Variants in GXYLT1 observed in about 807,000 individuals in gnomAD.
The protein encoded by GXYLT1 is glucoside xylosyltransferase 1.
In GXYLT1, 29 loss-of-function variants were observed where a neutral mutation model predicts 54.0. That is an observed-to-expected ratio of 0.54 (90% CI 0.40 to 0.73). The LOEUF (loss-of-function observed/expected upper bound fraction) is 0.73. GXYLT1 is among the 30% of genes least tolerant of loss of function. The pLI is 0.00. For missense variants in GXYLT1, 490 were observed against 553.4 expected (o/e 0.89, Z 1.15); for synonymous variants, 176 against 204.1 (o/e 0.86, Z 1.17).
At chr12:42,129,901 GA>G in intron 1 of GXYLT1, 50 bp from the exon 2 acceptor site, 1 of 1,163,240 alleles carries the variant, frequency 8.6e-7, no homozygotes, top group South Asian at 1.3e-5. Flanking sequence ...TTTTGGTTTG[GA>G]ACTAACAAGG....
At position 42,095,104 on chromosome 12, in the gene GXYLT1, T is replaced by C. The variant is rs184801510; in HGVS notation, c.1161+2338A>G. Among the ~76,000 whole-genome samples the C allele has an allele frequency of 2.4e-4, 37 of 152,278 alleles. 1 individual carries two copies. The East Asian group carries it at 6.7e-3, about 28-fold the overall frequency. On this transcript the variant is annotated intron_variant, in intron 7 of 7. Coordinates refer to ENST00000398675, the MANE Select transcript of GXYLT1 (RefSeq NM_173601.2). ...AAATTAAAACTACACTAAGATACCATTTCTCACCCATCAGAATGACAAAAT... is the reference window on the plus strand; with the variant it reads ...AAATTAAAACTACACTAAGATACCACTTCTCACCCATCAGAATGACAAAAT...
Position 42,115,215 on chromosome 12 carries a change from T to A in GXYLT1, c.486+3785A>T, listed in dbSNP as rs544584336. Among the ~76,000 whole-genome samples, 518 of 152,296 alleles carry A rather than the reference T, an allele frequency of 3.4e-3. 3 individuals are homozygous for A. Among genetic ancestry groups the A allele is most frequent in the Non-Finnish European group, 6.3e-3 (429 of 68,022 alleles). The stretch of plus-strand genomic sequence containing the variant: ...AACTGGAAGCATTCCCTTTGAAACC[T>A]GGCACAAGACAGGGATGCCCTCTCT... On this transcript the variant is annotated intron_variant, in intron 3 of 7. Transcript: ENST00000398675.
chr12:42,092,296 C>T (rs1258446663), intron 7 of GXYLT1, among the ~76,000 whole-genome samples: 3 of 152,248 alleles, frequency 2.0e-5, no homozygotes. Context: ...TTTCCACCCA[C>T]GTAAGATTAA....
intron 3 of GXYLT1, among the ~76,000 whole-genome samples, chr12:42,110,999 A>C (rs928650447): frequency 6.6e-6 from 1 of 152,252 alleles, no homozygotes; most frequent in Non-Finnish European, 1.5e-5. Flanking sequence ...GTGTAAACAC[A>C]ACACAGAGGC....
At chr12:42,104,267 T>TG (rs202158635) in intron 5 of GXYLT1, among the ~76,000 whole-genome samples, 428 of 151,878 alleles carry the variant, frequency 2.8e-3, no homozygotes, top group Non-Finnish European at 4.5e-3. Context: ...TTTTTTTTTT[T>TG]GCAGATAATC....
chr12:42,108,268 A>C (rs2065432167), intron 4 of GXYLT1, among the ~76,000 whole-genome samples: 1 of 152,228 alleles, frequency 6.6e-6, no homozygotes, highest in Admixed American at 6.5e-5. Flanking sequence ...TTAATAAAGT[A>C]CCATAACAAA....
At chr12:42,117,693 A>T (rs2065505221) in intron 3 of GXYLT1, among the ~76,000 whole-genome samples, 1 of 152,194 alleles carries the variant, frequency 6.6e-6, no homozygotes, top group Non-Finnish European at 1.5e-5. Context: ...TCAGAACAAA[A>T]GGTAGTGAGA....
At position 42,120,945 on chromosome 12, in the gene GXYLT1, A is replaced by C. The variant is rs575467574; in HGVS notation, c.315-1774T>G. ...CTGTCCTTTGCCCTCTTTTGTGCTG[A>C]GCCCATCAGTTCATAACACTGAAAC... On this transcript the variant is annotated intron_variant, in intron 2 of 7. Transcript: ENST00000398675. Among the ~76,000 whole-genome samples, 4 of 152,246 alleles carry C rather than the reference A, an allele frequency of 2.6e-5. No homozygotes were observed. The East Asian group carries it at 7.7e-4, about 29-fold the overall frequency.
intron 6 of GXYLT1, 107 bp downstream of exon 6, chr12:42,097,803 C>A: frequency 9.8e-7 from 1 of 1,022,586 alleles, no homozygotes; most frequent in Non-Finnish European, 1.4e-6. Context: ...ACATAAATAG[C>A]AATAATCATT....
In GXYLT1 at chr12:42,113,394, G is replaced by A. The variant is rs567905608; in HGVS notation, c.487-3703C>T. Among the ~76,000 whole-genome samples the A allele has an allele frequency of 8.1e-4, 122 of 150,948 alleles. No homozygotes were observed. The South Asian group carries it at 0.013, about 16-fold the overall frequency. On this transcript the variant is annotated intron_variant, in intron 3 of 7. Coordinates refer to ENST00000398675, the MANE Select transcript of GXYLT1 (RefSeq NM_173601.2). ...GCTGTATTCAGGAAACCCATCTCACGGGCAGAGACACACATAGGCTCAAAA... is the reference window on the plus strand; with the variant it reads ...GCTGTATTCAGGAAACCCATCTCACAGGCAGAGACACACATAGGCTCAAAA...
In GXYLT1 at chr12:42,097,992, A is replaced by C. The variant is rs1380673691; in HGVS notation, c.906T>G (p.Leu302=). 1.2e-6 allele frequency: 2 copies of C among 1,604,758 alleles called. No individual in the cohort carries two copies. Among genetic ancestry groups the C allele is most frequent in the Non-Finnish European group, 1.7e-6 (2 of 1,172,110 alleles). The change falls in exon 6 of 8, where the codon CTT becomes CTG. Residue 302 remains leucine (L), a synonymous_variant. Transcript: ENST00000398675. ...TTVRLQWGDI[L]MPLLKKYKLN... ...GTTTGTATTTTTTAAGCAATGGCAT[A>C]AGTATATCTCCCCATTGTAGTCGTA...
At chr12:42,132,194 A>C (rs1416133397) in intron 1 of GXYLT1, among the ~76,000 whole-genome samples, 1 of 152,188 alleles carries the variant, frequency 6.6e-6, no homozygotes, top group Non-Finnish European at 1.5e-5. Context: ...AAAAATACAG[A>C]TATAGGATCC....
rs12322394 is a variant in GXYLT1 at position 42,132,343 on chromosome 12, G to T, written c.222-2492C>A. 9.0e-3 allele frequency among the ~76,000 whole-genome samples: 1,367 copies of T among 152,236 alleles called. 28 individuals are homozygous for T. The highest frequency in any genetic ancestry group is 0.032 in the African/African-American group (1,309 of 41,540). On this transcript the variant is annotated intron_variant, in intron 1 of 7. Coordinates refer to ENST00000398675, the MANE Select transcript of GXYLT1 (RefSeq NM_173601.2). ...ATCAAGGAATAACTAGAGTCAGCTT[G>T]AAATTTTTTTATCGCAGTACTGATC...
chr12:42,116,957 G>C (rs2065499438), intron 3 of GXYLT1, among the ~76,000 whole-genome samples: 1 of 151,926 alleles, frequency 6.6e-6, no homozygotes, highest in African/African-American at 2.4e-5. Flanking sequence ...CATAAAAAAT[G>C]ATGAGTTCAT....
chr12:42,108,589 T>C, intron 4 of GXYLT1, among the ~76,000 whole-genome samples: 1 of 152,134 alleles, frequency 6.6e-6, no homozygotes, highest in East Asian at 1.9e-4. Flanking sequence ...TAATCCCTTA[T>C]TTGTGTGCTT....
At chr12:42,114,134 G>A (rs1386497559) in intron 3 of GXYLT1, among the ~76,000 whole-genome samples, 1 of 152,204 alleles carries the variant, frequency 6.6e-6, no homozygotes, top group Non-Finnish European at 1.5e-5. Flanking sequence ...AAAGCAGTGT[G>A]TAGAGGGAAA....
intron 2 of GXYLT1, among the ~76,000 whole-genome samples, chr12:42,127,361 A>T (rs2065569070): frequency 6.6e-6 from 1 of 151,984 alleles, no homozygotes; most frequent in Admixed American, 6.6e-5. Flanking sequence ...GCTTTTTTTA[A>T]ATGTAATAGC....
chr12:42,096,952 G>C (rs1046321762), intron 7 of GXYLT1, among the ~76,000 whole-genome samples: 3 of 151,970 alleles, frequency 2.0e-5, no homozygotes, highest in African/African-American at 7.2e-5. Flanking sequence ...GGAAACATTA[G>C]ACAGGCCAAA....
intron 2 of GXYLT1, among the ~76,000 whole-genome samples, chr12:42,124,041 T>TAA (rs147779430): frequency 1.4e-5 from 2 of 144,830 alleles, no homozygotes; most frequent in East Asian, 4.0e-4. Flanking sequence ...ACAAAATACT[T>TAA]AAAAAAAAAA....
Sources: allele counts gnomAD v4.1 joint callset (sites outside exome capture counted in the v4.1 genomes callset), GRCh38; gene constraint gnomAD v4.1.1; transcripts MANE v1.5; gene names NCBI Gene and HGNC (gene_info 2026-07-23, HGNC 2026-07-21).